The following DYRK2 variants were observed in gnomAD, a reference collection of about 807,000 sequenced individuals.
DYRK2 encodes the protein dual specificity tyrosine-phosphorylation-regulated kinase 2.
DYRK2 carries 12 observed loss-of-function variants against 41.6 expected under a neutral mutation model. The observed-to-expected ratio is 0.29, with a 90% confidence interval of 0.18 to 0.47. The LOEUF is 0.47. DYRK2 is among the 20% of genes least tolerant of loss of function. DYRK2 has a pLI of 1.00. For synonymous variants in DYRK2, 322 were observed against 315.7 expected, an observed-to-expected ratio of 1.02 and a Z score of -0.21; for missense variants, 678 against 798.4, an observed-to-expected ratio of 0.85 and a Z score of 1.82.
In DYRK2 at chr12:67,658,201, G is replaced by T; in HGVS notation, c.1294G>T (p.Ala432Ser). Reference protein sequence around the residue: ...LPGEDEGDQLACMIELLGMPS... With the variant: ...LPGEDEGDQLSCMIELLGMPS... The stretch of plus-strand genomic sequence containing the variant: ...TGGGGAAGATGAAGGGGACCAGCTG[G>T]CCTGTATGATTGAACTGTTGGGCAT... The change falls in exon 3 of 3, where the codon GCC becomes TCC. Residue 432 changes from alanine (A) to serine (S), a missense_variant. Physicochemically the swap from Ala to Ser is moderately conservative, Grantham distance 99. This residue lies in a region of DYRK2 where 393 missense variants were observed against 519.1 expected (regional missense o/e 0.76). Transcript: ENST00000344096. This position sits in a 1 kb window ranked among gnomAD's most constrained non-coding sequence, Gnocchi z 4.3. 6.2e-7 allele frequency: 1 copy of T among 1,614,182 alleles called. No individual in the cohort carries two copies. Among genetic ancestry groups the T allele is most frequent in the Non-Finnish European group, 8.5e-7 (1 of 1,180,036 alleles).
At position 67,664,919 on chromosome 12, in the gene DYRK2, ATT is replaced by A. The variant is rs1030780632; in HGVS notation, c.*6214_*6215del. 7 of 151,506 alleles carry A rather than the reference ATT, an allele frequency of 4.6e-5. No homozygotes were observed. The highest frequency in any genetic ancestry group is 7.4e-5 in the Non-Finnish European group (5 of 67,812). The allele number at this position is 151,506 out of a possible 1,614,324, so 9.4% of individuals were successfully genotyped here. A position where few individuals can be genotyped will look rare whatever the true frequency, so the allele number is the denominator to read the frequency against. On this transcript the variant is annotated 3_prime_UTR_variant, in exon 3 of 3. Transcript: ENST00000344096. The stretch of plus-strand genomic sequence containing the variant: ...CATTCTTTATTTTCTGTGTTCTTAA[ATT>A]TTTTTTTACATTTGAAAGTATGAAA...
At chr12:67,655,637 G>GCC (rs1872446524) in intron 2 of DYRK2, among the ~76,000 whole-genome samples, 1 of 152,162 alleles carries the variant, frequency 6.6e-6, no homozygotes, top group South Asian at 2.1e-4. Context: ...AGTCAGACAG[G>GCC]CCCCAAGTAT....
chr12:67,653,876 A>C (rs1419323945), intron 2 of DYRK2, among the ~76,000 whole-genome samples: 2 of 152,228 alleles, frequency 1.3e-5, no homozygotes, highest in Non-Finnish European at 2.9e-5. Flanking sequence ...TCTGATGTTA[A>C]AACAATTGCA....
In DYRK2 at chr12:67,664,107, C is replaced by T. The variant is rs1002847811; in HGVS notation, c.*5394C>T. ...TGTCATTAGTAATACTTAGCACTGT[C>T]CAAAATGAAAAATGACTGCCAGTGT... On this transcript the variant is annotated 3_prime_UTR_variant, in exon 3 of 3. Coordinates refer to ENST00000344096, the MANE Select transcript of DYRK2 (RefSeq NM_006482.3). The T allele has an allele frequency of 2.0e-5, 3 of 152,000 alleles. No homozygotes were observed. Among genetic ancestry groups the T allele is most frequent in the Non-Finnish European group, 4.4e-5 (3 of 67,984 alleles). 9.4% of individuals were successfully genotyped at this position (152,000 alleles called of 1,614,324 possible). A position where few individuals can be genotyped will look rare whatever the true frequency, so the allele number is the denominator to read the frequency against.
rs1473947419 is a variant in DYRK2, at chr12:67,660,952, A to G, written c.*2239A>G. On this transcript the variant is annotated 3_prime_UTR_variant, in exon 3 of 3. Transcript: ENST00000344096. ...AAAATGACGATACATGTGAACATTTATAAATGGACTAATACTGCTTGTCTT... is the reference window on the plus strand; with the variant it reads ...AAAATGACGATACATGTGAACATTTGTAAATGGACTAATACTGCTTGTCTT... The G allele has an allele frequency of 6.0e-6, 1 of 167,132 alleles. No homozygotes were observed. Among genetic ancestry groups the G allele is most frequent in the Non-Finnish European group, 1.5e-5 (1 of 68,126 alleles). 10.4% of individuals were successfully genotyped at this position (167,132 alleles called of 1,614,324 possible). A position where few individuals can be genotyped will look rare whatever the true frequency, so the allele number is the denominator to read the frequency against.
At chr12:67,650,719 T>C (rs1043732673) in intron 2 of DYRK2, among the ~76,000 whole-genome samples, 7 of 152,186 alleles carry the variant, frequency 4.6e-5, no homozygotes, top group African/African-American at 1.4e-4. Flanking sequence ...GACTAAAGCA[T>C]GTACCTTTTC....
In DYRK2 at chr12:67,657,753, G is replaced by A. The variant is rs149820247; in HGVS notation, c.846G>A (p.Met282Ile). ...HLRKQDKDNT[M>I]NVIHMLENFT... ...GGAAGCAGGACAAGGATAACACAATGAATGTCATCCATATGCTGGAGAATT... is the reference window on the plus strand; with the variant it reads ...GGAAGCAGGACAAGGATAACACAATAAATGTCATCCATATGCTGGAGAATT... The change falls in exon 3 of 3, where the codon ATG (methionine) becomes ATA (isoleucine). Residue 282 changes from methionine to isoleucine, a missense_variant. Met to Ile is a conservative substitution (Grantham distance 10). Coordinates refer to ENST00000344096, the MANE Select transcript of DYRK2 (RefSeq NM_006482.3). This position sits in a 1 kb window ranked among gnomAD's most constrained non-coding sequence, Gnocchi z 4.8. 6.2e-7 allele frequency: 1 copy of A among 1,614,090 alleles called. No individual in the cohort carries two copies. Among genetic ancestry groups the A allele is most frequent in the African/African-American group, 1.3e-5 (1 of 74,928 alleles).
Position 67,657,201 on chromosome 12 carries a change from T to G in DYRK2, c.294T>G (p.Ser98Arg). The change falls in exon 3 of 3, where the codon AGT becomes AGG. Residue 98 changes from serine to arginine, a missense_variant. This residue lies in a region of DYRK2 where 285 missense variants were observed against 279.2 expected (regional missense o/e 1.02). Transcript: ENST00000344096. This position sits in a 1 kb window ranked among gnomAD's most constrained non-coding sequence, Gnocchi z 4.8. Reference protein sequence around the residue: ...IQVQQLFEDNSNKRTVLTTQP... With the variant: ...IQVQQLFEDNRNKRTVLTTQP... ...TTCAACAGTTGTTTGAGGATAACAGTAACAAGCGGACAGTGCTCACGACAC... is the reference window on the plus strand; with the variant it reads ...TTCAACAGTTGTTTGAGGATAACAGGAACAAGCGGACAGTGCTCACGACAC... The G allele has an allele frequency of 6.2e-7, 1 of 1,613,810 alleles. No individual in the cohort carries two copies. The highest frequency in any genetic ancestry group is 8.5e-7 in the Non-Finnish European group (1 of 1,179,922).
chr12:67,652,277 TCTTA>T (rs1872343996), intron 2 of DYRK2, among the ~76,000 whole-genome samples: 1 of 152,188 alleles, frequency 6.6e-6, no homozygotes, highest in East Asian at 1.9e-4. Flanking sequence ...CCAATCACTG[TCTTA>T]CTTCCTATTA....
chr12:67,651,659 G>A (rs371520060), intron 2 of DYRK2: 8 of 455,152 alleles, frequency 1.8e-5, no homozygotes, highest in African/African-American at 1.4e-4. Context: ...GACTTTGAAG[G>A]TGTGAATTTG....
chr12:67,653,124 C>G (rs1181454099), intron 2 of DYRK2, among the ~76,000 whole-genome samples: 1 of 152,158 alleles, frequency 6.6e-6, no homozygotes, highest in Non-Finnish European at 1.5e-5. Context: ...GCCCCTGTGC[C>G]CGGCCTCAGT....
chr12:67,654,884 G>A (rs1003056271), intron 2 of DYRK2, among the ~76,000 whole-genome samples: 1 of 152,184 alleles, frequency 6.6e-6, no homozygotes, highest in Admixed American at 6.5e-5. Context: ...CAGGCCATGG[G>A]CAGTTGCTGA....
chr12:67,650,537 A>G (rs1872290829), intron 2 of DYRK2, among the ~76,000 whole-genome samples: 2 of 152,232 alleles, frequency 1.3e-5, no homozygotes, highest in Admixed American at 1.3e-4. Context: ...CAGCAGTCAA[A>G]ACAAGCCACC....
In DYRK2 at chr12:67,658,818, A is replaced by G; in HGVS notation, c.*105A>G. ...CTGTTTTTATTTGCTCAATAACTCTACTCATTTGTATCTTTTCAGCACTTA... is the reference window on the plus strand; with the variant it reads ...CTGTTTTTATTTGCTCAATAACTCTGCTCATTTGTATCTTTTCAGCACTTA... On this transcript the variant is annotated 3_prime_UTR_variant, in exon 3 of 3. Transcript: ENST00000344096. The surrounding 1 kb of genome is among the most constrained non-coding windows in gnomAD (Gnocchi z 4.3). The G allele has an allele frequency of 2.4e-6, 3 of 1,242,376 alleles. No individual in the cohort carries two copies. The highest frequency in any genetic ancestry group is 3.3e-6 in the Non-Finnish European group (3 of 907,176). 77.0% of individuals were successfully genotyped at this position (1,242,376 alleles called of 1,614,324 possible). A position where few individuals can be genotyped will look rare whatever the true frequency, so the allele number is the denominator to read the frequency against.
chr12:67,651,829 C>G (rs1872330203), intron 2 of DYRK2, among the ~76,000 whole-genome samples: 1 of 152,080 alleles, frequency 6.6e-6, no homozygotes, highest in Non-Finnish European at 1.5e-5. Flanking sequence ...ATCAAGATTC[C>G]CCAGCCAGTT....
At chr12:67,649,621 C>A (rs1257734069) in intron 1 of DYRK2, 176 bp from the exon 2 acceptor site, 5 of 740,984 alleles carry the variant, frequency 6.7e-6, no homozygotes, top group Non-Finnish European at 9.2e-6. Flanking sequence ...GCCCGCGCCC[C>A]GCCCGTGGGT....
At chr12:67,649,644 G>C (rs560042527) in intron 1 of DYRK2, 153 bp from the exon 2 acceptor site, 32 of 869,896 alleles carry the variant, frequency 3.7e-5, no homozygotes, top group Non-Finnish European at 4.9e-5. Context: ...GCGCTGGGGA[G>C]CCGTGACCCG....
intron 2 of DYRK2, among the ~76,000 whole-genome samples, chr12:67,650,240 T>G (rs1256314411): frequency 6.6e-6 from 1 of 152,214 alleles, no homozygotes; most frequent in Non-Finnish European, 1.5e-5. Flanking sequence ...TCTTTCCTCA[T>G]TTTTCGTCCT....
At chr12:67,649,212 C>A in intron 1 of DYRK2, 30 bp downstream of exon 1, 3 of 1,469,310 alleles carry the variant, frequency 2.0e-6, no homozygotes, top group South Asian at 1.3e-5. Context: ...GCGCCGCATC[C>A]CCGGACCCCC....
Sources: gnomAD v4.1 joint callset for allele counts (sites outside exome capture counted in the v4.1 genomes callset) on GRCh38, gnomAD v4.1.1 for gene constraint, gnomAD v4.1.1 regional missense constraint, Gnocchi (gnomAD v3.1) non-coding constraint, MANE v1.5 for transcripts, NCBI Gene and HGNC (gene_info 2026-07-23, HGNC 2026-07-21) for gene names.